The following DLGAP1 variants were observed in gnomAD, a reference collection of about 807,000 sequenced individuals.
The protein encoded by DLGAP1 is disks large-associated protein 1.
DLGAP1 carries 11 observed loss-of-function variants against 90.8 expected under a neutral mutation model. The ratio of observed to expected loss-of-function variants is 0.12; its 90% CI spans 0.08 to 0.20. DLGAP1 has a LOEUF of 0.20. Ranked by LOEUF, DLGAP1 falls within the 10% of genes least tolerant of loss-of-function variation. The probability of loss-of-function intolerance (pLI) is 1.00; values close to 1 mark genes in which losing one functional copy is unlikely to be tolerated. For synonymous variants in DLGAP1, 558 were observed against 540.7 expected (o/e 1.03, Z -0.44); for missense variants, 1,050 against 1,333.8 (o/e 0.79, Z 3.31).
intron 1 of DLGAP1, among the ~76,000 whole-genome samples, chr18:4,254,397 A>C (rs2145214638): frequency 6.6e-6 from 1 of 152,304 alleles, no homozygotes; most frequent in Non-Finnish European, 1.5e-5. Context: ...TATCATGCTG[A>C]TGGTTATTCG....
chr18:3,703,670 GT>G (rs1434669400), intron 7 of DLGAP1, among the ~76,000 whole-genome samples: 3 of 151,978 alleles, frequency 2.0e-5, no homozygotes, highest in Admixed American at 1.3e-4. Context: ...TTTGTTTTTT[GT>G]TTTTGTTTTT....
chr18:3,916,242 G>A (rs1414852022), intron 3 of DLGAP1, among the ~76,000 whole-genome samples: 1 of 152,130 alleles, frequency 6.6e-6, no homozygotes, highest in African/African-American at 2.4e-5. Flanking sequence ...AGCCAAATCT[G>A]TTTTTGTGCC....
At chr18:4,043,545 C>G (rs4063149) in intron 2 of DLGAP1, among the ~76,000 whole-genome samples, 41,458 of 151,840 alleles carry the variant, frequency 0.27, 6,247 homozygotes, top group Non-Finnish European at 0.36. Context: ...TAACCTACAT[C>G]TTATTTATTT....
chr18:3,602,614 A>AAAC (rs1568284685), intron 7 of DLGAP1, among the ~76,000 whole-genome samples: 1 of 151,472 alleles, frequency 6.6e-6, no homozygotes, highest in Non-Finnish European at 1.5e-5. Flanking sequence ...AAAAAAAAAA[A>AAAC]AACAAAGAAA....
At chr18:3,990,931 A>AT (rs898008743) in intron 3 of DLGAP1, among the ~76,000 whole-genome samples, 4 of 151,572 alleles carry the variant, frequency 2.6e-5, no homozygotes, top group East Asian at 1.9e-4. Flanking sequence ...CAAAATGGTT[A>AT]TTTTTTTTCT....
intron 1 of DLGAP1, among the ~76,000 whole-genome samples, chr18:4,352,414 T>G (rs2081421002): frequency 6.6e-6 from 1 of 152,152 alleles, no homozygotes; most frequent in Non-Finnish European, 1.5e-5. Context: ...GCCTTCTTAA[T>G]GTCCTATCGA....
intron 1 of DLGAP1, among the ~76,000 whole-genome samples, chr18:4,320,091 G>A (rs2080639338): frequency 6.6e-6 from 1 of 152,304 alleles, no homozygotes; most frequent in African/African-American, 2.4e-5. Flanking sequence ...GGTAATGAGA[G>A]CAGAGTAGAA....
chr18:3,872,818 TGAG>T (rs1213430792), intron 4 of DLGAP1, among the ~76,000 whole-genome samples: 6 of 152,170 alleles, frequency 3.9e-5, no homozygotes, highest in African/African-American at 1.4e-4. Flanking sequence ...AACTGTCTTC[TGAG>T]GAGAATGGAA....
At chr18:4,447,197 G>A (rs899097456) in intron 1 of DLGAP1, among the ~76,000 whole-genome samples, 1 of 152,138 alleles carries the variant, frequency 6.6e-6, no homozygotes, top group Non-Finnish European at 1.5e-5. Context: ...TTAGCACAAG[G>A]TGATGTACAC....
chr18:4,113,929 G>A (rs1364880028), intron 2 of DLGAP1, among the ~76,000 whole-genome samples: 1 of 151,952 alleles, frequency 6.6e-6, no homozygotes, highest in Non-Finnish European at 1.5e-5. Context: ...GTAGCTCTGT[G>A]GCTCTATTAC....
intron 1 of DLGAP1, among the ~76,000 whole-genome samples, chr18:4,270,023 C>T (rs2079239601): frequency 6.6e-6 from 1 of 152,214 alleles, no homozygotes. Flanking sequence ...GGATCCTTCA[C>T]ATGTTACAGT....
chr18:4,145,155 T>C (rs886717763), intron 2 of DLGAP1, among the ~76,000 whole-genome samples: 1 of 152,202 alleles, frequency 6.6e-6, no homozygotes, highest in Admixed American at 6.5e-5. Flanking sequence ...TAAATATCTA[T>C]ACCTATATCT....
intron 1 of DLGAP1, among the ~76,000 whole-genome samples, chr18:4,338,616 C>T (rs118068013): frequency 2.6e-5 from 4 of 152,064 alleles, no homozygotes; most frequent in East Asian, 3.9e-4. Context: ...TAGGAGTTCA[C>T]GATGAAAAGG....
At chr18:3,936,394 G>A (rs941088393) in intron 3 of DLGAP1, among the ~76,000 whole-genome samples, 4 of 152,216 alleles carry the variant, frequency 2.6e-5, no homozygotes, top group African/African-American at 9.6e-5. Context: ...ATTTCCAGTT[G>A]GTGCTGAGCC....
At chr18:3,512,677 G>C (rs904454699) in intron 10 of DLGAP1, among the ~76,000 whole-genome samples, 1 of 152,188 alleles carries the variant, frequency 6.6e-6, no homozygotes, top group African/African-American at 2.4e-5. Flanking sequence ...AGGCAGAGCA[G>C]ATAACTTCAT....
At chr18:4,064,493 C>T (rs1317965894) in intron 2 of DLGAP1, among the ~76,000 whole-genome samples, 3 of 151,808 alleles carry the variant, frequency 2.0e-5, no homozygotes, top group African/African-American at 7.3e-5. Context: ...TGAACACAAT[C>T]AGAAATGATA....
intron 3 of DLGAP1, among the ~76,000 whole-genome samples, chr18:3,946,188 A>C (rs2072875173): frequency 6.6e-6 from 1 of 152,120 alleles, no homozygotes; most frequent in South Asian, 2.1e-4. Flanking sequence ...AAAGTGATGA[A>C]TATCTAACAT....
chr18:4,108,102 G>A (rs183633273), intron 2 of DLGAP1, among the ~76,000 whole-genome samples: 14 of 152,268 alleles, frequency 9.2e-5, no homozygotes, highest in African/African-American at 3.4e-4. Context: ...CTCCCCTGAA[G>A]TGGGCCATAG....
At chr18:3,754,980 G>A (rs1334765789) in intron 5 of DLGAP1, among the ~76,000 whole-genome samples, 1 of 152,052 alleles carries the variant, frequency 6.6e-6, no homozygotes, top group Non-Finnish European at 1.5e-5. Flanking sequence ...ACCATTTGCA[G>A]TGGAGAGAAA....
Sources: gnomAD v4.1 joint callset for allele counts (sites outside exome capture counted in the v4.1 genomes callset) on GRCh38, gnomAD v4.1.1 for gene constraint, MANE v1.5 for transcripts, NCBI Gene and HGNC (gene_info 2026-07-23, HGNC 2026-07-21) for gene names.